The following KCNH8 variants were observed in gnomAD, a reference collection of about 807,000 sequenced individuals.
The protein encoded by KCNH8 is voltage-gated delayed rectifier potassium channel KCNH8.
A neutral mutation model predicts 103.6 loss-of-function variants in KCNH8; 70 were observed. The ratio of observed to expected loss-of-function variants is 0.68; its 90% CI spans 0.56 to 0.82. KCNH8 has a LOEUF of 0.82. Ranked by LOEUF, KCNH8 falls within the 40% of genes least tolerant of loss-of-function variation. The pLI is 0.00. For missense variants in KCNH8, 1,217 were observed against 1,329.9 expected, an observed-to-expected ratio of 0.92 and a Z score of 1.32; for synonymous variants, 498 against 489.4, an observed-to-expected ratio of 1.02 and a Z score of -0.23.
chr3:19,233,952 G>A (rs754332273), intron 1 of KCNH8, among the ~76,000 whole-genome samples: 11 of 152,306 alleles, frequency 7.2e-5, no homozygotes, highest in South Asian at 2.1e-4. Context: ...CATAAAGGCA[G>A]TGTGGAGCCA....
chr3:19,274,847 T>TCCCCTCCCCC (rs1285098028), intron 2 of KCNH8, among the ~76,000 whole-genome samples: 1 of 5,498 alleles, frequency 1.8e-4, no homozygotes, highest in African/African-American at 9.7e-4. Flanking sequence ...TCCCCACCCC[T>TCCCCTCCCCC]CCCCTCCCCT....
intron 7 of KCNH8, among the ~76,000 whole-genome samples, chr3:19,408,400 T>G (rs2066726711): frequency 6.6e-6 from 1 of 152,056 alleles, no homozygotes; most frequent in African/African-American, 2.4e-5. Flanking sequence ...GAATTAGAAG[T>G]GCCAGCATCT....
At chr3:19,386,470 A>C (rs1448914868) in intron 5 of KCNH8, among the ~76,000 whole-genome samples, 3 of 152,162 alleles carry the variant, frequency 2.0e-5, no homozygotes, top group Non-Finnish European at 4.4e-5. Flanking sequence ...TACCAATACC[A>C]TGTGCCATAA....
intron 1 of KCNH8, among the ~76,000 whole-genome samples, chr3:19,180,293 A>AAAGGGCCAAGACAGACTTGGCCCTTCG (rs2063439313): frequency 1.3e-5 from 2 of 149,040 alleles, no homozygotes; most frequent in East Asian, 2.0e-4. Context: ...TTGGCCCTTC[A>AAAGGGCCAAGACAGACTTGGCCCTTCG]AAGGGCCAAG....
At chr3:19,322,327 A>G (rs1364392369) in intron 3 of KCNH8, among the ~76,000 whole-genome samples, 1 of 151,888 alleles carries the variant, frequency 6.6e-6, no homozygotes, top group African/African-American at 2.4e-5. Context: ...GTGTATTTCG[A>G]GGATTTGTTT....
At chr3:19,330,453 G>T (rs916777132) in intron 3 of KCNH8, among the ~76,000 whole-genome samples, 4 of 152,014 alleles carry the variant, frequency 2.6e-5, no homozygotes, top group Non-Finnish European at 5.9e-5. Flanking sequence ...TAACTGATTG[G>T]GTTATAAAAA....
intron 15 of KCNH8, among the ~76,000 whole-genome samples, chr3:19,519,450 G>A (rs983596922): frequency 6.6e-6 from 1 of 151,006 alleles, no homozygotes; most frequent in East Asian, 2.0e-4. Flanking sequence ...CTTCAGCTTC[G>A]TGGAGATTTA....
chr3:19,284,612 C>T (rs1291210831), intron 3 of KCNH8, among the ~76,000 whole-genome samples: 1 of 150,988 alleles, frequency 6.6e-6, no homozygotes, highest in Non-Finnish European at 1.5e-5. Flanking sequence ...TGGTTCTTAC[C>T]ACCTTTAAAA....
chr3:19,339,282 CTG>C lies in KCNH8; in HGVS notation c.443-3303_443-3302del, dbSNP rs140164363. ...ACTGAGAAGGGAATTGGCTTATTGA[CTG>C]TTGTAAATATCTAAACCGGTTCATT... is the stretch of plus-strand genomic sequence containing the variant. On this transcript the variant is annotated intron_variant, in intron 3 of 15. Coordinates refer to ENST00000328405, the MANE Select transcript of KCNH8 (RefSeq NM_144633.3). Among the ~76,000 whole-genome samples the C allele has an allele frequency of 1.6e-3, 240 of 152,146 alleles. 4 individuals carry two copies. In the East Asian group the frequency reaches 0.042, roughly 26 times the overall value.
chr3:19,266,396 C>T (rs2064511284), intron 2 of KCNH8, among the ~76,000 whole-genome samples: 2 of 152,064 alleles, frequency 1.3e-5, no homozygotes, highest in Admixed American at 6.6e-5. Context: ...GAATGCTACT[C>T]CCCACTTCCA....
chr3:19,302,766 T>C (rs1360905680), intron 3 of KCNH8, among the ~76,000 whole-genome samples: 3 of 152,226 alleles, frequency 2.0e-5, no homozygotes, highest in Non-Finnish European at 4.4e-5. Flanking sequence ...TAAGCCCTCT[T>C]GAAGTTCATT....
intron 11 of KCNH8, among the ~76,000 whole-genome samples, chr3:19,498,941 CA>C (rs1240751873): frequency 1.3e-5 from 2 of 152,142 alleles, no homozygotes; most frequent in African/African-American, 4.8e-5. Context: ...TGCCCGTTCT[CA>C]GATCTCCAGC....
At chr3:19,495,654 T>G (rs2068423144) in intron 11 of KCNH8, among the ~76,000 whole-genome samples, 1 of 152,154 alleles carries the variant, frequency 6.6e-6, no homozygotes. Context: ...CTCAGCTTTG[T>G]CTTTTTGCTT....
In KCNH8 at chr3:19,253,831, A is replaced by C. The variant is rs768191040; in HGVS notation, c.254A>C (p.Lys85Thr). The C allele has an allele frequency of 1.3e-5, 21 of 1,613,882 alleles. No individual in the cohort carries two copies. The highest frequency in any genetic ancestry group is 1.7e-5 in the Admixed American group (1 of 59,978). The change falls in exon 2 of 16, where the codon AAG (lysine) becomes ACG (threonine). Residue 85 changes from lysine (K) to threonine (T), a missense_variant. Lys to Thr is a moderately conservative substitution (Grantham distance 78). This residue lies in a region of KCNH8 where 244 missense variants were observed against 256.8 expected (regional missense o/e 0.95). Coordinates refer to ENST00000328405, the MANE Select transcript of KCNH8 (RefSeq NM_144633.3). ...GAGCAACTGATGCTTCAAATAGAAAAGTCACTGGAGGAGAAAACAGAATTC... is the reference window on the plus strand; with the variant it reads ...GAGCAACTGATGCTTCAAATAGAAACGTCACTGGAGGAGAAAACAGAATTC... ...TNEQLMLQIEKSLEEKTEFKG... is the reference protein window; with the variant it reads ...TNEQLMLQIETSLEEKTEFKG...
chr3:19,509,029 T>G (rs1025701247), intron 11 of KCNH8, among the ~76,000 whole-genome samples: 1 of 152,258 alleles, frequency 6.6e-6, no homozygotes, highest in Non-Finnish European at 1.5e-5. Context: ...AAACATGTTT[T>G]CATGTCTACC....
chr3:19,231,053 T>C (rs2063989170), intron 1 of KCNH8, among the ~76,000 whole-genome samples: 1 of 152,150 alleles, frequency 6.6e-6, no homozygotes, highest in Non-Finnish European at 1.5e-5. Context: ...TACTATAGTA[T>C]AGTAACTATA....
intron 11 of KCNH8, among the ~76,000 whole-genome samples, chr3:19,478,015 T>C (rs189773900): frequency 1.4e-4 from 21 of 152,174 alleles, no homozygotes; most frequent in African/African-American, 7.2e-5. Flanking sequence ...ATGCAAGTAT[T>C]TGACTTTCTG....
Position 19,154,967 on chromosome 3 carries a change from A to G in KCNH8, c.76+6172A>G, listed in dbSNP as rs556703502. The stretch of plus-strand genomic sequence containing the variant: ...CAAAGATGAGACTTCAACTTCACCT[A>G]TGACCTAGTTCATATTTGGCAACTG... On this transcript the variant is annotated intron_variant, in intron 1 of 15. Coordinates refer to ENST00000328405, the MANE Select transcript of KCNH8 (RefSeq NM_144633.3). Among the ~76,000 whole-genome samples, 78 of 152,358 alleles carry G rather than the reference A, an allele frequency of 5.1e-4. 1 individual carries two copies. The highest frequency in any genetic ancestry group is 1.8e-3 in the African/African-American group (75 of 41,576).
chr3:19,468,645 G>T (rs940981148), intron 11 of KCNH8, among the ~76,000 whole-genome samples: 1 of 152,170 alleles, frequency 6.6e-6, no homozygotes, highest in Non-Finnish European at 1.5e-5. Flanking sequence ...AGTAAGTAGG[G>T]TTAAAATAAA....
Sources: gnomAD v4.1 joint callset for allele counts (sites outside exome capture counted in the v4.1 genomes callset) on GRCh38, gnomAD v4.1.1 for gene constraint, gnomAD v4.1.1 regional missense constraint, MANE v1.5 for transcripts, NCBI Gene and HGNC (gene_info 2026-07-23, HGNC 2026-07-21) for gene names.